Variants in LRIG1 observed in about 807,000 individuals in gnomAD.
The protein encoded by LRIG1 is leucine-rich repeats and immunoglobulin-like domains protein 1.
LRIG1 carries 48 observed loss-of-function variants against 99.2 expected under a neutral mutation model. The observed-to-expected ratio is 0.48, with a 90% CI of 0.38 to 0.62. The LOEUF (loss-of-function observed/expected upper bound fraction) is 0.62, where lower values mean the gene tolerates loss of function less well. LRIG1 is among the 20% of genes least tolerant of loss of function. The pLI is 0.00. For missense variants in LRIG1, 1,646 were observed against 1,434.4 expected, an observed-to-expected ratio of 1.15 and a Z score of -2.38; for synonymous variants, 772 against 596.1, an observed-to-expected ratio of 1.29 and a Z score of -4.30.
chr3:66,439,304 G>A (rs1703465056), intron 3 of LRIG1, among the ~76,000 whole-genome samples: 1 of 152,230 alleles, frequency 6.6e-6, no homozygotes, highest in South Asian at 2.1e-4. Flanking sequence ...CACTATGCAT[G>A]CTGATAACCA....
intron 1 of LRIG1, among the ~76,000 whole-genome samples, chr3:66,481,951 G>A (rs1012403195): frequency 6.6e-6 from 1 of 152,340 alleles, no homozygotes; most frequent in South Asian, 2.1e-4. Context: ...CTCCAAGTAG[G>A]TTTGACAGAA....
intron 12 of LRIG1, chr3:66,387,409 AG>A (rs1701429340): frequency 6.6e-6 from 1 of 152,110 alleles, no homozygotes; most frequent in African/African-American, 2.4e-5. Flanking sequence ...CAAACACACA[AG>A]CCGTCGGTAA....
intron 1 of LRIG1, 118 bp downstream of exon 1, chr3:66,500,072 G>A (rs1701321141): frequency 4.0e-6 from 3 of 744,666 alleles, no homozygotes; most frequent in African/African-American, 3.7e-5. Context: ...GCACAAGCAC[G>A]CACAACTCCA....
intron 3 of LRIG1, among the ~76,000 whole-genome samples, chr3:66,430,735 A>G (rs1273550792): frequency 6.6e-6 from 1 of 152,114 alleles, no homozygotes; most frequent in African/African-American, 2.4e-5. Flanking sequence ...TAAGAGATGA[A>G]AAACCAGGCT....
At chr3:66,475,698 G>C (rs555641001) in intron 1 of LRIG1, among the ~76,000 whole-genome samples, 30 of 152,322 alleles carry the variant, frequency 2.0e-4, no homozygotes, top group African/African-American at 6.7e-4. Context: ...TAAGCACAGG[G>C]AGAAAACCAT....
At chr3:66,467,196 C>G (rs1700492489) in intron 1 of LRIG1, among the ~76,000 whole-genome samples, 1 of 152,164 alleles carries the variant, frequency 6.6e-6, no homozygotes, top group Admixed American at 6.5e-5. Flanking sequence ...GCCCCAACCC[C>G]AAGGAATCCG....
At chr3:66,464,833 A>G (rs1302807206) in intron 1 of LRIG1, among the ~76,000 whole-genome samples, 1 of 152,218 alleles carries the variant, frequency 6.6e-6, no homozygotes, top group Non-Finnish European at 1.5e-5. Flanking sequence ...CTTAAAGAGC[A>G]GACAAAATGT....
At chr3:66,448,785 C>A (rs1703806695) in intron 3 of LRIG1, among the ~76,000 whole-genome samples, 1 of 152,118 alleles carries the variant, frequency 6.6e-6, no homozygotes, top group Admixed American at 6.6e-5. Context: ...CTCTGTCTGC[C>A]CACAAAAACG....
At chr3:66,458,227 G>T (rs1047942322) in intron 2 of LRIG1, among the ~76,000 whole-genome samples, 1 of 152,212 alleles carries the variant, frequency 6.6e-6, no homozygotes, top group African/African-American at 2.4e-5. Context: ...GCGATCTTGA[G>T]GCCTCAGCCT....
chr3:66,415,809 A>C (rs1007147368), intron 4 of LRIG1, among the ~76,000 whole-genome samples: 1 of 152,214 alleles, frequency 6.6e-6, no homozygotes, highest in Non-Finnish European at 1.5e-5. Flanking sequence ...AAGAAAGTAC[A>C]AGGAAGAACA....
chr3:66,412,916 T>C lies in LRIG1; in HGVS notation c.746A>G (p.Lys249Arg), dbSNP rs80279768. 4.4e-4 allele frequency: 712 copies of C among 1,614,232 alleles called. 4 individuals carry two copies. The East Asian group carries it at 0.015, about 34-fold the overall frequency. Residue 249 changes from lysine (K) to arginine (R), a missense_variant, in exon 6 of 19, where the codon AAA (lysine) becomes AGA (arginine). By Grantham distance (26) the Lys-to-Arg change is conservative. Transcript: ENST00000273261. ...TCCCCAGAAGGCCCCATCTGTCAGT[T>C]TGCTGATGTTGTTTCGCTGAAGCTT... Reference protein sequence around the residue: ...VLKLQRNNISKLTDGAFWGLS... With the variant: ...VLKLQRNNISRLTDGAFWGLS...
At chr3:66,413,826 T>C (rs1702541262) in intron 5 of LRIG1, among the ~76,000 whole-genome samples, 1 of 151,938 alleles carries the variant, frequency 6.6e-6, no homozygotes, top group African/African-American at 2.4e-5. Context: ...CCAGGGGAGG[T>C]GAAACCCAGG....
chr3:66,414,781 G>GC lies in LRIG1; in HGVS notation c.647+138dup, dbSNP rs1247235477. ...AGCTCCGAATTTGCTTTTATGAGGT[G>GC]CTGCCATTAATGGTAATTTATGGAG... On this transcript the variant is annotated intron_variant, in intron 5 of 18. Coordinates refer to ENST00000273261, the MANE Select transcript of LRIG1 (RefSeq NM_015541.3). 4 of 874,562 alleles carry GC rather than the reference G, an allele frequency of 4.6e-6. No individual in the cohort carries two copies. The African/African-American group carries it at 6.8e-5, about 15-fold the overall frequency. The allele number at this position is 874,562 out of a possible 1,614,324, so 54.2% of individuals were successfully genotyped here. A position where few individuals can be genotyped will look rare whatever the true frequency, so the allele number is the denominator to read the frequency against.
At chr3:66,445,703 AG>A (rs1451806817) in intron 3 of LRIG1, among the ~76,000 whole-genome samples, 1 of 152,232 alleles carries the variant, frequency 6.6e-6, no homozygotes, top group Non-Finnish European at 1.5e-5. Context: ...ATGCCAGTGA[AG>A]GATGCCTTTC....
chr3:66,500,337 AG>A lies in LRIG1; in HGVS notation c.70del (p.Leu24PhefsTer8). The A allele has an allele frequency of 6.7e-7, 1 of 1,492,966 alleles. No individual in the cohort carries two copies. The highest frequency in any genetic ancestry group is 8.9e-7 in the Non-Finnish European group (1 of 1,126,910). The allele number at this position is 1,492,966 out of a possible 1,614,324, so 92.5% of individuals were successfully genotyped here. ...RSPCLLLLWLLLLRLEPVTAA... is the reference protein window; with the variant it reads ...RSPCLLLLWLXLLRLEPVTAA... ...GGTCACCGGCTCCAGCCGAAGCAAAAGCAGCCAGAGAAGGAGAAGGCAAGGC... is the reference window on the plus strand; with the variant it reads ...GGTCACCGGCTCCAGCCGAAGCAAAACAGCCAGAGAAGGAGAAGGCAAGGC... On this transcript the variant is annotated frameshift_variant, in exon 1 of 19. Transcript: ENST00000273261. LOFTEE classifies it high-confidence loss of function.
At chr3:66,480,297 G>A (rs1261716286) in intron 1 of LRIG1, among the ~76,000 whole-genome samples, 1 of 152,168 alleles carries the variant, frequency 6.6e-6, no homozygotes, top group East Asian at 1.9e-4. Context: ...GCCGGGGGAT[G>A]GGAGGAAGGA....
At chr3:66,439,123 G>A (rs1430623939) in intron 3 of LRIG1, among the ~76,000 whole-genome samples, 1 of 152,218 alleles carries the variant, frequency 6.6e-6, no homozygotes, top group Non-Finnish European at 1.5e-5. Context: ...AAAGCCAGGT[G>A]GTGAAAGGGT....
intron 1 of LRIG1, among the ~76,000 whole-genome samples, chr3:66,466,359 T>G (rs1050184997): frequency 6.6e-6 from 1 of 152,216 alleles, no homozygotes; most frequent in African/African-American, 2.4e-5. Context: ...CATTTCTTTT[T>G]AAGGCTAACT....
At chr3:66,394,460 C>G (rs936182830) in intron 11 of LRIG1, among the ~76,000 whole-genome samples, 1 of 152,196 alleles carries the variant, frequency 6.6e-6, no homozygotes, top group Non-Finnish European at 1.5e-5. Context: ...AACAAGTTCA[C>G]GTATCATGCT....
Sources: allele counts gnomAD v4.1 joint callset (sites outside exome capture counted in the v4.1 genomes callset), GRCh38; gene constraint gnomAD v4.1.1; transcripts MANE v1.5; gene names NCBI Gene and HGNC (gene_info 2026-07-23, HGNC 2026-07-21).